Variants in LRRC37A2 observed in about 807,000 individuals in gnomAD.
LRRC37A2 encodes leucine rich repeat containing 37 member A2.
Under a neutral mutation model 68.8 loss-of-function variants are expected in LRRC37A2, and 9 were observed. That is an observed-to-expected ratio of 0.13 (90% CI 0.08 to 0.23). LRRC37A2 has a LOEUF of 0.23. LRRC37A2 is among the 10% of genes least tolerant of loss of function. LRRC37A2 has a pLI of 1.00. For synonymous variants in LRRC37A2, 63 were observed against 367.6 expected (o/e 0.17, Z 9.48); for missense variants, 168 against 950.4 (o/e 0.18, Z 10.82).
At chr17:46,716,025 G>T in the LRRC37A2 span, among the ~76,000 whole-genome samples, 1 of 152,106 alleles carries the variant, frequency 6.6e-6, no homozygotes. Context: ...TGTCATTAAA[G>T]TTCAGAAAAG....
chr17:46,676,237 T>C, the LRRC37A2 span, among the ~76,000 whole-genome samples: 2 of 116,104 alleles, frequency 1.7e-5, no homozygotes, highest in African/African-American at 2.7e-5. Flanking sequence ...CTTCTTCTTT[T>C]TTTTTTTTTT....
At chr17:46,793,741 C>T in the LRRC37A2 span, among the ~76,000 whole-genome samples, 14 of 152,316 alleles carry the variant, frequency 9.2e-5, no homozygotes, top group East Asian at 1.2e-3. Flanking sequence ...AGATGACACA[C>T]GTTCCCAGCA....
the LRRC37A2 span, chr17:46,937,189 G>A: frequency 1.3e-5 from 2 of 152,122 alleles, no homozygotes; most frequent in African/African-American, 4.8e-5. Context: ...CTTTTGTTTT[G>A]GTGGTGGGTG....
At chr17:46,494,864 A>G in the LRRC37A2 span, among the ~76,000 whole-genome samples, 4 of 151,124 alleles carry the variant, frequency 2.6e-5, 1 homozygote, top group Admixed American at 1.3e-4. Context: ...TAAAATATAC[A>G]CTAAGTTATT....
At chr17:46,792,266 G>A in the LRRC37A2 span, among the ~76,000 whole-genome samples, 23 of 152,292 alleles carry the variant, frequency 1.5e-4, no homozygotes, top group African/African-American at 4.1e-4. Flanking sequence ...GGGGGATGAC[G>A]TCATGGAGCA....
the LRRC37A2 span, among the ~76,000 whole-genome samples, chr17:46,772,333 A>C: frequency 6.6e-6 from 1 of 152,176 alleles, no homozygotes; most frequent in Non-Finnish European, 1.5e-5. Flanking sequence ...GGTGACTTAA[A>C]ACGTTCAACG....
At chr17:47,030,079 AATAATAATAATCATC>A in the LRRC37A2 span, among the ~76,000 whole-genome samples, 16 of 41,928 alleles carry the variant, frequency 3.8e-4, no homozygotes, top group African/African-American at 1.1e-3. Flanking sequence ...TAATAATAAT[AATAATAATAATCATC>A]ATCATCATCA....
At chr17:46,800,752 G>C in the LRRC37A2 span, among the ~76,000 whole-genome samples, 1 of 152,168 alleles carries the variant, frequency 6.6e-6, no homozygotes, top group Non-Finnish European at 1.5e-5. Flanking sequence ...TGGTGGTATG[G>C]GTTGAAAGAT....
the LRRC37A2 span, among the ~76,000 whole-genome samples, chr17:46,760,644 A>G: frequency 6.6e-6 from 1 of 151,110 alleles, no homozygotes; most frequent in East Asian, 1.9e-4. Context: ...AAAAAAAAAA[A>G]AAAAAAGAAA....
exon 10 of LRRC37A2, chr17:46,549,039 T>C (rs2056516571): frequency 6.2e-7 from 1 of 1,612,194 alleles, no homozygotes; most frequent in Non-Finnish European, 8.5e-7. Context: ...CAATCGTACA[T>C]GCCAGAAAAA....
chr17:46,759,002 C>T, the LRRC37A2 span, among the ~76,000 whole-genome samples: 3 of 152,042 alleles, frequency 2.0e-5, no homozygotes, highest in Non-Finnish European at 4.4e-5. Flanking sequence ...GTCAGGAGTT[C>T]GACGCCAGCC....
chr17:46,522,370 ATTTC>A (rs2052380730), intron 4 of LRRC37A2, among the ~76,000 whole-genome samples: 1 of 66,460 alleles, frequency 1.5e-5, no homozygotes, highest in Non-Finnish European at 3.3e-5. Flanking sequence ...GATGTCTTTT[ATTTC>A]TTCTGATATT....
the LRRC37A2 span, among the ~76,000 whole-genome samples, chr17:46,622,307 A>G: frequency 6.8e-6 from 1 of 146,386 alleles, no homozygotes. Flanking sequence ...AATACAAAAA[A>G]ATTAGCCAGG....
chr17:46,878,035 C>A, the LRRC37A2 span, among the ~76,000 whole-genome samples: 2 of 152,226 alleles, frequency 1.3e-5, no homozygotes, highest in Non-Finnish European at 2.9e-5. Flanking sequence ...TCCACACAGG[C>A]ACACATGGAT....
the LRRC37A2 span, among the ~76,000 whole-genome samples, chr17:46,754,927 C>G: frequency 6.6e-6 from 1 of 152,254 alleles, no homozygotes; most frequent in Admixed American, 6.5e-5. Context: ...GTATCTTCTA[C>G]TTTGCTGTGA....
chr17:46,837,505 C>T, the LRRC37A2 span, among the ~76,000 whole-genome samples: 3 of 152,158 alleles, frequency 2.0e-5, no homozygotes, highest in Non-Finnish European at 4.4e-5. Flanking sequence ...CACTAGAACC[C>T]CATGCAAGAG....
At chr17:46,810,333 C>G in the LRRC37A2 span, among the ~76,000 whole-genome samples, 1 of 152,096 alleles carries the variant, frequency 6.6e-6, no homozygotes, top group African/African-American at 2.4e-5. Flanking sequence ...CTAGGACTCA[C>G]AGTGATAGTT....
the LRRC37A2 span, among the ~76,000 whole-genome samples, chr17:46,901,104 T>C: frequency 1.3e-5 from 2 of 152,146 alleles, no homozygotes; most frequent in African/African-American, 4.8e-5. Flanking sequence ...ATGTTTGAGG[T>C]AGAGGGAACT....
At chr17:46,996,905 G>C in the LRRC37A2 span, among the ~76,000 whole-genome samples, 1 of 152,160 alleles carries the variant, frequency 6.6e-6, no homozygotes, top group Non-Finnish European at 1.5e-5. Context: ...CTGACCTCTG[G>C]CCTAACATGG....
Sources: gnomAD v4.1 joint callset for allele counts (sites outside exome capture counted in the v4.1 genomes callset) on GRCh38, gnomAD v4.1.1 for gene constraint, MANE v1.5 for transcripts, NCBI Gene and HGNC (gene_info 2026-07-23, HGNC 2026-07-21) for gene names.